Variants in FXN observed in about 807,000 individuals in gnomAD.
FXN encodes the protein frataxin.
FXN carries 14 observed loss-of-function variants against 22.4 expected under a neutral mutation model. The observed-to-expected ratio is 0.62, with a 90% CI of 0.41 to 0.98. The LOEUF (loss-of-function observed/expected upper bound fraction) is 0.98, where lower values mean the gene tolerates loss of function less well. Among genes scored for constraint, FXN ranks in the 50% least tolerant of loss-of-function variants. The pLI, the probability that FXN is intolerant of heterozygous loss-of-function variation, is 0.00. For synonymous variants in FXN, 120 were observed against 114.1 expected (o/e 1.05, Z -0.33); for missense variants, 267 against 268.4 (o/e 0.99, Z 0.04).
intron 1 of FXN, among the ~76,000 whole-genome samples, chr9:69,036,737 TG>T (rs1372420049): frequency 5.9e-5 from 9 of 152,320 alleles, no homozygotes; most frequent in East Asian, 1.9e-4. Flanking sequence ...TTTCTTCCTT[TG>T]GGGGGTACAA....
intron 4 of FXN, among the ~76,000 whole-genome samples, chr9:69,068,679 A>G (rs1487675617): frequency 1.3e-5 from 2 of 152,246 alleles, no homozygotes; most frequent in Non-Finnish European, 2.9e-5. Flanking sequence ...CAGTCAGAAG[A>G]TGACAAGCTG....
rs1204566986 is a variant in FXN, at chr9:69,077,798, C to T, written c.*5036C>T. ...TACAAAAATTAGCTGGCCGTAGTGG[C>T]GCACGCCTGTTATCCCAGCTACTCG... On this transcript the variant is annotated 3_prime_UTR_variant, in exon 5 of 5. Coordinates refer to ENST00000484259, the MANE Select transcript of FXN (RefSeq NM_000144.5). 5 of 578,266 alleles carry T rather than the reference C, an allele frequency of 8.6e-6. No homozygotes were observed. The highest frequency in any genetic ancestry group is 6.4e-5 in the Admixed American group (1 of 15,720). The allele number at this position is 578,266 out of a possible 1,614,324, so 35.8% of individuals were successfully genotyped here. A position where few individuals can be genotyped will look rare whatever the true frequency, so the allele number is the denominator to read the frequency against.
Position 69,066,794 on chromosome 9 carries a change from G to C in FXN, c.482+1759G>C, listed in dbSNP as rs1489800179. On this transcript the variant is annotated intron_variant, in intron 4 of 4. Coordinates refer to ENST00000484259, the MANE Select transcript of FXN (RefSeq NM_000144.5). The stretch of plus-strand genomic sequence containing the variant: ...CAGCAATACGCTCTAGCTGTGTTCA[G>C]AAGCATGGGAATTTGGAAAGATCTG... 2.0e-5 allele frequency among the ~76,000 whole-genome samples: 3 copies of C among 152,056 alleles called. 1 individual carries two copies. Among genetic ancestry groups the C allele is most frequent in the African/African-American group, 7.2e-5 (3 of 41,394 alleles).
intron 1 of FXN, among the ~76,000 whole-genome samples, chr9:69,042,521 G>A (rs902100699): frequency 3.3e-5 from 5 of 152,190 alleles, no homozygotes; most frequent in Non-Finnish European, 7.3e-5. Context: ...GCAGTTGCCC[G>A]AGGAATATTA....
chr9:69,076,529 T>C lies in FXN; in HGVS notation c.*3767T>C. 1 of 985,352 alleles carries C rather than the reference T, an allele frequency of 1.0e-6. No individual in the cohort carries two copies. Among genetic ancestry groups the C allele is most frequent in the Non-Finnish European group, 1.2e-6 (1 of 829,860 alleles). 61.0% of individuals were successfully genotyped at this position (985,352 alleles called of 1,614,324 possible). A position where few individuals can be genotyped will look rare whatever the true frequency, so the allele number is the denominator to read the frequency against. ...ATCTTTTGCATACCTTCTAAAACTATTTTAGCCAATTTAAAATTTGACAGT... is the reference window on the plus strand; with the variant it reads ...ATCTTTTGCATACCTTCTAAAACTACTTTAGCCAATTTAAAATTTGACAGT... On this transcript the variant is annotated 3_prime_UTR_variant, in exon 5 of 5. Coordinates refer to ENST00000484259, the MANE Select transcript of FXN (RefSeq NM_000144.5).
intron 4 of FXN, 135 bp downstream of exon 4, chr9:69,065,170 GT>G: frequency 1.4e-6 from 1 of 718,844 alleles, no homozygotes; most frequent in Admixed American, 2.0e-5. Flanking sequence ...AGAGGCTGAG[GT>G]AGGAGGATCA....
intron 1 of FXN, among the ~76,000 whole-genome samples, chr9:69,044,844 T>C (rs972705903): frequency 8.5e-5 from 13 of 152,196 alleles, no homozygotes; most frequent in African/African-American, 3.1e-4. Flanking sequence ...CTAAAAAAAA[T>C]CAACAGGTCA....
chr9:69,035,945 G>C lies in FXN; in HGVS notation c.163G>C (p.Ala55Pro). 1 of 1,461,782 alleles carries C rather than the reference G, an allele frequency of 6.8e-7. No individual in the cohort carries two copies. The highest frequency in any genetic ancestry group is 9.0e-7 in the Non-Finnish European group (1 of 1,111,684). 90.6% of individuals were successfully genotyped at this position (1,461,782 alleles called of 1,614,324 possible). ...CGATGCGACCTGCACGCCCCGCCGC[G>C]CAGTAAGTATCCGCGCCGGGAACAG... ...DIDATCTPRRASSNQRGLNQI... is the reference protein window; with the variant it reads ...DIDATCTPRRPSSNQRGLNQI... Residue 55 changes from alanine to proline, a missense_variant and splice_region_variant, in exon 1 of 5, where the codon GCA (alanine) becomes CCA (proline). Physicochemically the swap from Ala to Pro is conservative, Grantham distance 27. Transcript: ENST00000484259.
At chr9:69,069,700 C>T (rs140599316) in intron 4 of FXN, among the ~76,000 whole-genome samples, 19 of 152,330 alleles carry the variant, frequency 1.2e-4, no homozygotes, top group African/African-American at 3.8e-4. Flanking sequence ...CAGCTGGAGA[C>T]GGAGCTCCTG....
intron 1 of FXN, among the ~76,000 whole-genome samples, chr9:69,037,261 T>TA (rs1408508316): frequency 1.1e-4 from 2 of 18,878 alleles, no homozygotes; most frequent in Non-Finnish European, 2.5e-4. Flanking sequence ...CAGTATCTAC[T>TA]AAAAAATACA....
chr9:69,056,850 C>A (rs1373017727), intron 3 of FXN, among the ~76,000 whole-genome samples: 2 of 150,360 alleles, frequency 1.3e-5, no homozygotes, highest in African/African-American at 2.4e-5. Flanking sequence ...TCAAGTGATT[C>A]TCTTGCCTCA....
chr9:69,072,588 C>T (rs756512739), intron 4 of FXN, 24 bp from the exon 5 acceptor site: 1 of 1,613,834 alleles, frequency 6.2e-7, no homozygotes, highest in Non-Finnish European at 8.5e-7. Context: ...TGTGGAATTA[C>T]TATGCATTTG....
Position 69,073,267 on chromosome 9 carries a change from G to T in FXN, c.*505G>T. Reference sequence around the variant, plus strand: ...AGTGTAAGCACTTCTGAGCTCTTTAGCATTGAAGTGTCGAAAGCAACTCAC... The same window carrying T: ...AGTGTAAGCACTTCTGAGCTCTTTATCATTGAAGTGTCGAAAGCAACTCAC... On this transcript the variant is annotated 3_prime_UTR_variant, in exon 5 of 5. Coordinates refer to ENST00000484259, the MANE Select transcript of FXN (RefSeq NM_000144.5). The T allele has an allele frequency of 9.9e-7, 1 of 1,012,556 alleles. No homozygotes were observed. Among genetic ancestry groups the T allele is most frequent in the Non-Finnish European group, 1.2e-6 (1 of 846,136 alleles). The allele number at this position is 1,012,556 out of a possible 1,614,324, so 62.7% of individuals were successfully genotyped here. A position where few individuals can be genotyped will look rare whatever the true frequency, so the allele number is the denominator to read the frequency against.
intron 3 of FXN, among the ~76,000 whole-genome samples, chr9:69,054,895 T>G (rs1831926943): frequency 6.6e-6 from 1 of 152,172 alleles, no homozygotes; most frequent in African/African-American, 2.4e-5. Flanking sequence ...ATGGAATTGT[T>G]GAGGACAATC....
chr9:69,038,044 C>G (rs960742117), intron 1 of FXN, among the ~76,000 whole-genome samples: 1 of 152,236 alleles, frequency 6.6e-6, no homozygotes, highest in African/African-American at 2.4e-5. Context: ...GACTGACAAA[C>G]ACACCCAACT....
chr9:69,038,405 A>G (rs1454206014), intron 1 of FXN, among the ~76,000 whole-genome samples: 1 of 152,232 alleles, frequency 6.6e-6, no homozygotes, highest in Admixed American at 6.5e-5. Context: ...CAGAAACAGA[A>G]TGGGAGCCAC....
At chr9:69,068,799 C>T (rs1480759958) in intron 4 of FXN, among the ~76,000 whole-genome samples, 1 of 152,218 alleles carries the variant, frequency 6.6e-6, no homozygotes, top group Non-Finnish European at 1.5e-5. Context: ...GAGGCCAGTC[C>T]TTGATTGCTC....
In FXN at chr9:69,077,389, T is replaced by C. The variant is rs1266963867; in HGVS notation, c.*4627T>C. The C allele has an allele frequency of 1.0e-6, 1 of 985,340 alleles. No homozygotes were observed. The highest frequency in any genetic ancestry group is 1.7e-5 in the African/African-American group (1 of 57,244). 61.0% of individuals were successfully genotyped at this position (985,340 alleles called of 1,614,324 possible). A position where few individuals can be genotyped will look rare whatever the true frequency, so the allele number is the denominator to read the frequency against. On this transcript the variant is annotated 3_prime_UTR_variant, in exon 5 of 5. Transcript: ENST00000484259. ...TTCCATCTTCTCTGGCTGTATAGTT[T>C]AAGGAATGGAAGGCACCAGAACAGA...
chr9:69,052,534 T>C (rs1430386813), intron 2 of FXN, among the ~76,000 whole-genome samples: 1 of 130,172 alleles, frequency 7.7e-6, no homozygotes, highest in African/African-American at 2.9e-5. Flanking sequence ...CTGTGCTGTT[T>C]AAATTTTTTT....
Sources: gnomAD v4.1 joint callset for allele counts (sites outside exome capture counted in the v4.1 genomes callset) on GRCh38, gnomAD v4.1.1 for gene constraint, MANE v1.5 for transcripts, NCBI Gene and HGNC (gene_info 2026-07-23, HGNC 2026-07-21) for gene names.